USP12: variants seen among roughly 807,000 people sequenced by gnomAD.
The protein encoded by USP12 is ubiquitin carboxyl-terminal hydrolase 12.
USP12 carries 19 observed loss-of-function variants against 45.5 expected under a neutral mutation model. The ratio of observed to expected loss-of-function variants is 0.42; its 90% CI spans 0.29 to 0.61. The LOEUF is 0.61. USP12 is among the 20% of genes least tolerant of loss of function. The pLI is 0.22. For missense variants in USP12, 242 were observed against 447.7 expected, an observed-to-expected ratio of 0.54 and a Z score of 4.15; for synonymous variants, 149 against 148.8, an observed-to-expected ratio of 1.00 and a Z score of -0.01.
intron 2 of USP12, among the ~76,000 whole-genome samples, chr13:27,107,417 G>A (rs2137788303): frequency 6.6e-6 from 1 of 152,202 alleles, no homozygotes; most frequent in South Asian, 2.1e-4. Flanking sequence ...AAGGAATTAT[G>A]TTAATACCCT....
chr13:27,107,358 A>T (rs889250511), intron 2 of USP12, among the ~76,000 whole-genome samples: 1 of 152,184 alleles, frequency 6.6e-6, no homozygotes, highest in African/African-American at 2.4e-5. Flanking sequence ...AAATTTATTG[A>T]TATTGTTATT....
intron 6 of USP12, among the ~76,000 whole-genome samples, chr13:27,076,075 G>C (rs1398600102): frequency 6.7e-6 from 1 of 149,180 alleles, no homozygotes. Flanking sequence ...CAAGTTTCTT[G>C]AAACTGACAA....
In USP12 at chr13:27,094,183, T is replaced by TAAA. The variant is rs71083629; in HGVS notation, c.573+1415_573+1417dup. On this transcript the variant is annotated intron_variant, in intron 4 of 8. Transcript: ENST00000282344. The stretch of plus-strand genomic sequence containing the variant: ...ACTGCCTACTAATTGCAAGGGGATT[T>TAAA]AAAAAAAAAAAAAAAAGTCATCATA... Among the ~76,000 whole-genome samples the TAAA allele has an allele frequency of 2.4e-3, 342 of 141,996 alleles. 2 individuals carry two copies. The highest frequency in any genetic ancestry group is 8.6e-3 in the South Asian group (38 of 4,394). The allele number at this position is 141,996 out of a possible 152,430, so 93.2% of individuals were successfully genotyped here. A position where few individuals can be genotyped will look rare whatever the true frequency, so the allele number is the denominator to read the frequency against.
intron 7 of USP12, 143 bp downstream of exon 7, chr13:27,075,048 A>G (rs1873414410): frequency 1.5e-6 from 1 of 687,296 alleles, no homozygotes; most frequent in African/African-American, 1.8e-5. Flanking sequence ...CATAAAGCTA[A>G]AACTCCATTT....
intron 1 of USP12, among the ~76,000 whole-genome samples, chr13:27,127,055 G>C (rs1876271451): frequency 6.6e-6 from 1 of 152,202 alleles, no homozygotes; most frequent in Non-Finnish European, 1.5e-5. Flanking sequence ...GCACTGATCT[G>C]CAGTCATCCT....
intron 1 of USP12, among the ~76,000 whole-genome samples, chr13:27,155,296 T>C (rs1877782144): frequency 6.6e-6 from 1 of 151,926 alleles, no homozygotes; most frequent in Non-Finnish European, 1.5e-5. Flanking sequence ...TTGGCCAAGA[T>C]GGTCTTGATC....
At chr13:27,156,832 A>AAGAG (rs1877864616) in intron 1 of USP12, among the ~76,000 whole-genome samples, 1 of 149,312 alleles carries the variant, frequency 6.7e-6, no homozygotes, top group South Asian at 2.1e-4. Context: ...AAAAAAACAA[A>AAGAG]AGAGAGAGAG....
intron 7 of USP12, among the ~76,000 whole-genome samples, chr13:27,074,064 C>T (rs1005215813): frequency 1.3e-5 from 2 of 152,130 alleles, no homozygotes; most frequent in East Asian, 1.9e-4. Context: ...AGGAAGAAGA[C>T]GATTATTAAA....
chr13:27,123,047 G>A (rs1039485915), intron 1 of USP12, among the ~76,000 whole-genome samples: 34 of 150,832 alleles, frequency 2.3e-4, no homozygotes, highest in African/African-American at 7.6e-4. Flanking sequence ...AGCCGAGATC[G>A]CACCACTGCA....
At chr13:27,106,041 T>A in intron 2 of USP12, 97 bp from the exon 3 acceptor site, 1 of 1,014,190 alleles carries the variant, frequency 9.9e-7, no homozygotes. Flanking sequence ...GAGATGACAA[T>A]CGGTTACTAC....
chr13:27,098,376 C>A (rs201902785), intron 3 of USP12, among the ~76,000 whole-genome samples: 2 of 132,794 alleles, frequency 1.5e-5, no homozygotes, highest in African/African-American at 2.8e-5. Flanking sequence ...TAAAAAAAAA[C>A]CCTTTACAAA....
intron 1 of USP12, among the ~76,000 whole-genome samples, chr13:27,139,791 TA>T (rs781476063): frequency 2.6e-5 from 4 of 152,210 alleles, no homozygotes; most frequent in African/African-American, 4.8e-5. Context: ...ATATTTATTT[TA>T]AAAACATTTT....
intron 1 of USP12, among the ~76,000 whole-genome samples, chr13:27,152,843 G>A (rs1167621034): frequency 2.0e-5 from 3 of 151,340 alleles, no homozygotes. Flanking sequence ...TCAGGAGGCT[G>A]AGGCAGGACA....
intron 1 of USP12, among the ~76,000 whole-genome samples, chr13:27,132,632 G>C (rs957491862): frequency 2.0e-5 from 3 of 152,172 alleles, no homozygotes; most frequent in Admixed American, 6.5e-5. Flanking sequence ...CTGCATTTGC[G>C]TAGGTCTGGC....
At chr13:27,157,208 TG>T in intron 1 of USP12, among the ~76,000 whole-genome samples, 1 of 152,354 alleles carries the variant, frequency 6.6e-6, no homozygotes, top group South Asian at 2.1e-4. Context: ...CATGTTTTGT[TG>T]GTTTTTTATT....
chr13:27,127,513 G>A (rs1876298044), intron 1 of USP12, among the ~76,000 whole-genome samples: 1 of 152,152 alleles, frequency 6.6e-6, no homozygotes, highest in African/African-American at 2.4e-5. Flanking sequence ...CAGGTCTTCT[G>A]AAAACCATTT....
At chr13:27,125,551 G>A (rs866445895) in intron 1 of USP12, among the ~76,000 whole-genome samples, 2 of 152,160 alleles carry the variant, frequency 1.3e-5, no homozygotes, top group Non-Finnish European at 2.9e-5. Context: ...TGCAGAAGGC[G>A]GGTGATTTCT....
At chr13:27,170,297 T>A (rs1878531041) in intron 1 of USP12, 1 of 398,484 alleles carries the variant, frequency 2.5e-6, no homozygotes, top group Non-Finnish European at 4.4e-6. Flanking sequence ...GAATCTGCTT[T>A]TTAAGGCATC....
At chr13:27,099,119 T>C (rs369551411) in intron 3 of USP12, among the ~76,000 whole-genome samples, 10 of 152,298 alleles carry the variant, frequency 6.6e-5, no homozygotes, top group Middle Eastern at 3.4e-3. Flanking sequence ...TTTGGACATA[T>C]ATATTTAAGT....
Sources: allele counts gnomAD v4.1 joint callset (sites outside exome capture counted in the v4.1 genomes callset), GRCh38; gene constraint gnomAD v4.1.1; transcripts MANE v1.5; gene names NCBI Gene and HGNC (gene_info 2026-07-23, HGNC 2026-07-21).